Variants in VANGL1 observed in about 807,000 individuals in gnomAD.
VANGL1 encodes the protein vang-like protein 1.
In VANGL1, 18 loss-of-function variants were observed where a neutral mutation model predicts 48.4. The ratio of observed to expected loss-of-function variants is 0.37; its 90% CI spans 0.26 to 0.55. The LOEUF (loss-of-function observed/expected upper bound fraction) is 0.55, where lower values mean the gene tolerates loss of function less well. Among genes scored for constraint, VANGL1 ranks in the 20% least tolerant of loss-of-function variants. VANGL1 has a pLI of 0.81. For synonymous variants in VANGL1, 257 were observed against 261.8 expected, an observed-to-expected ratio of 0.98 and a Z score of 0.18; for missense variants, 667 against 675.8, an observed-to-expected ratio of 0.99 and a Z score of 0.14.
chr1:115,661,358 A>C (rs1245841165), intron 3 of VANGL1, among the ~76,000 whole-genome samples: 1 of 151,970 alleles, frequency 6.6e-6, no homozygotes, highest in Non-Finnish European at 1.5e-5. Context: ...TCACCTCTCC[A>C]AGGCAACCAC....
intron 1 of VANGL1, among the ~76,000 whole-genome samples, chr1:115,647,932 T>C (rs1480002237): frequency 6.6e-6 from 1 of 152,210 alleles, no homozygotes; most frequent in Non-Finnish European, 1.5e-5. Context: ...GGGTACCTGC[T>C]ATGTTCAAAA....
Position 115,664,193 on chromosome 1 carries a change from T to A in VANGL1, c.737T>A (p.Leu246Gln), listed in dbSNP as rs1262666632. The A allele has an allele frequency of 1.2e-6, 2 of 1,614,042 alleles. No homozygotes were observed. The highest frequency in any genetic ancestry group is 1.3e-5 in the African/African-American group (1 of 74,950). The change falls in exon 4 of 8, where the codon CTG becomes CAG. Residue 246 changes from leucine (L) to glutamine (Q), a missense_variant. Coordinates refer to ENST00000355485, the MANE Select transcript of VANGL1 (RefSeq NM_138959.3). ...ATCGTCCTGCTGGAGCTCAGGCAGC[T>A]GCAGCCCATGTTCACGCTGCAGGTG... ...LAIVLLELRQLQPMFTLQVVR... is the reference protein window; with the variant it reads ...LAIVLLELRQQQPMFTLQVVR...
chr1:115,644,714 A>G (rs1168537034), intron 1 of VANGL1, among the ~76,000 whole-genome samples: 2 of 152,200 alleles, frequency 1.3e-5, no homozygotes, highest in African/African-American at 2.4e-5. Context: ...AATATCTGGC[A>G]GGGAACAAGG....
At chr1:115,667,259 C>G (rs1377399902) in intron 4 of VANGL1, among the ~76,000 whole-genome samples, 1 of 152,194 alleles carries the variant, frequency 6.6e-6, no homozygotes, top group Non-Finnish European at 1.5e-5. Context: ...AGAATGTCTA[C>G]TCTTTAGTTT....
chr1:115,650,166 T>A (rs561262224), intron 1 of VANGL1, among the ~76,000 whole-genome samples: 2 of 152,306 alleles, frequency 1.3e-5, no homozygotes, highest in South Asian at 4.1e-4. Context: ...TCAGGGAAAC[T>A]TGGCCTCCTC....
At chr1:115,657,748 A>G (rs1327465228) in intron 2 of VANGL1, among the ~76,000 whole-genome samples, 2 of 152,210 alleles carry the variant, frequency 1.3e-5, no homozygotes, top group Non-Finnish European at 2.9e-5. Flanking sequence ...ACCTTCATAA[A>G]GAAATGAGGT....
At chr1:115,672,036 A>G (rs555923085) in intron 4 of VANGL1, among the ~76,000 whole-genome samples, 2 of 152,352 alleles carry the variant, frequency 1.3e-5, no homozygotes, top group South Asian at 2.1e-4. Context: ...AGGTAATTGC[A>G]TGAGCTATTA....
At chr1:115,665,525 T>A (rs1652739916) in intron 4 of VANGL1, among the ~76,000 whole-genome samples, 1 of 152,314 alleles carries the variant, frequency 6.6e-6, no homozygotes, top group East Asian at 1.9e-4. Flanking sequence ...GCTCAGCCTG[T>A]ATTTGGAGTC....
intron 2 of VANGL1, among the ~76,000 whole-genome samples, chr1:115,658,915 C>G (rs1652442507): frequency 6.6e-6 from 1 of 152,024 alleles, no homozygotes; most frequent in African/African-American, 2.4e-5. Flanking sequence ...GCCTGCTTTC[C>G]TCAGGAGGTC....
intron 4 of VANGL1, among the ~76,000 whole-genome samples, chr1:115,676,809 C>T (rs1653184656): frequency 6.6e-6 from 1 of 152,276 alleles, no homozygotes; most frequent in African/African-American, 2.4e-5. Context: ...TTCCGAGTAG[C>T]TGCCTGTACC....
rs776892785 is a variant in VANGL1, at chr1:115,664,076, G to A, written c.620G>A (p.Arg207His). The A allele has an allele frequency of 2.0e-5, 32 of 1,613,984 alleles. No homozygotes were observed. The highest frequency in any genetic ancestry group is 1.2e-4 in the Admixed American group (7 of 60,000). ...VVSYWLFYGV[R>H]ILDSRDRNYQ... ...TCCTATTGGCTTTTTTACGGGGTCC[G>A]CATTTTGGACTCTCGGGACCGGAAT... The change falls in exon 4 of 8, where the codon CGC becomes CAC. Residue 207 changes from arginine (R) to histidine (H), a missense_variant. Transcript: ENST00000355485.
intron 2 of VANGL1, 59 bp downstream of exon 2, chr1:115,651,543 G>A: frequency 6.7e-7 from 1 of 1,485,866 alleles, no homozygotes; most frequent in Non-Finnish European, 9.4e-7. Flanking sequence ...GGTTGGTGGG[G>A]TTCTCTACAC....
intron 1 of VANGL1, among the ~76,000 whole-genome samples, chr1:115,649,712 G>A (rs1652075297): frequency 6.6e-6 from 1 of 152,178 alleles, no homozygotes; most frequent in African/African-American, 2.4e-5. Flanking sequence ...GGGCCTGATA[G>A]CTAATAAGTG....
chr1:115,679,934 C>T (rs1483012147), intron 4 of VANGL1, among the ~76,000 whole-genome samples: 2 of 151,192 alleles, frequency 1.3e-5, no homozygotes, highest in African/African-American at 4.9e-5. Context: ...CCCAGGCACT[C>T]CAGAAAAGGC....
chr1:115,665,455 C>T lies in VANGL1; in HGVS notation c.812+1187C>T, dbSNP rs527471143. Among the ~76,000 whole-genome samples, 9 of 152,338 alleles carry T rather than the reference C, an allele frequency of 5.9e-5. No individual in the cohort carries two copies. In the South Asian group the frequency reaches 1.9e-3, roughly 32 times the overall value. ...AGCAGCCAGAATCAGCAAGGGCACA[C>T]CTTAGTGGGTATCAGAACAATCGGC... On this transcript the variant is annotated intron_variant, in intron 4 of 7. Transcript: ENST00000355485.
At chr1:115,669,880 A>G (rs1181221521) in intron 4 of VANGL1, among the ~76,000 whole-genome samples, 1 of 152,196 alleles carries the variant, frequency 6.6e-6, no homozygotes. Flanking sequence ...AAGCAATGGA[A>G]GTTTATGATT....
chr1:115,682,338 C>A (rs1209761753), intron 4 of VANGL1, 26 bp from the exon 5 acceptor site: 1 of 1,613,496 alleles, frequency 6.2e-7, no homozygotes, highest in East Asian at 2.2e-5. Flanking sequence ...AAAAGCTTTG[C>A]ATTAATTTTG....
At chr1:115,672,701 C>T (rs1299669125) in intron 4 of VANGL1, among the ~76,000 whole-genome samples, 1 of 152,200 alleles carries the variant, frequency 6.6e-6, no homozygotes, top group African/African-American at 2.4e-5. Context: ...ATCTATGGGA[C>T]TTGTGTAAGC....
At chr1:115,646,617 A>C (rs1298457301) in intron 1 of VANGL1, among the ~76,000 whole-genome samples, 2 of 151,112 alleles carry the variant, frequency 1.3e-5, no homozygotes, top group Admixed American at 1.3e-4. Context: ...TTCCACAATG[A>C]ATCTATGGCC....
Sources: gnomAD v4.1 joint callset for allele counts (sites outside exome capture counted in the v4.1 genomes callset) on GRCh38, gnomAD v4.1.1 for gene constraint, MANE v1.5 for transcripts, NCBI Gene and HGNC (gene_info 2026-07-23, HGNC 2026-07-21) for gene names.